ZMIZ1: variants seen among roughly 807,000 people sequenced by gnomAD.
The protein encoded by ZMIZ1 is zinc finger MIZ domain-containing protein 1.
ZMIZ1 carries 17 observed loss-of-function variants against 113.9 expected under a neutral mutation model. The observed-to-expected ratio is 0.15, with a 90% confidence interval of 0.10 to 0.22. The LOEUF (loss-of-function observed/expected upper bound fraction) is 0.22. ZMIZ1 is among the 10% of genes least tolerant of loss of function. The pLI is 1.00. For missense variants in ZMIZ1, 1,059 were observed against 1,477.8 expected (o/e 0.72, Z 4.65); for synonymous variants, 607 against 603.1 (o/e 1.01, Z -0.09).
At chr10:79,216,086 T>G (rs918895277) in intron 6 of ZMIZ1, 83 bp from the exon 7 acceptor site, 18 of 1,002,352 alleles carry the variant, frequency 1.8e-5, no homozygotes, top group Non-Finnish European at 2.5e-5. Context: ...CTTGCCCACC[T>G]CACCCACTTC....
chr10:79,136,478 T>C (rs1217242743), intron 2 of ZMIZ1, among the ~76,000 whole-genome samples: 1 of 152,188 alleles, frequency 6.6e-6, no homozygotes, highest in African/African-American at 2.4e-5. Context: ...AATGAATTAT[T>C]TCATCAGAAG....
At chr10:79,205,234 T>C (rs1027321183) in intron 5 of ZMIZ1, among the ~76,000 whole-genome samples, 17 of 152,198 alleles carry the variant, frequency 1.1e-4, no homozygotes, top group Admixed American at 9.8e-4. Context: ...GGGAGGCCTC[T>C]GCCTATGATT....
At position 79,292,198 on chromosome 10, in the gene ZMIZ1, C is replaced by T; in HGVS notation, c.799C>T (p.Pro267Ser). The change falls in exon 11 of 25, where the codon CCT becomes TCT. Residue 267 changes from proline (P) to serine (S), a missense_variant. Around this residue, in one of 6 missense-constraint regions of ZMIZ1, gnomAD observed 23 missense variants for 73.3 expected, o/e 0.31. Transcript: ENST00000334512. Reference protein sequence around the residue: ...GPNAPAGMGIPPHTRPPADFT... With the variant: ...GPNAPAGMGISPHTRPPADFT... Reference sequence around the variant, plus strand: ...TAACGCCCCCGCAGGCATGGGCATCCCTCCGCACACCAGGCCGCCTGCTGA... The same window carrying T: ...TAACGCCCCCGCAGGCATGGGCATCTCTCCGCACACCAGGCCGCCTGCTGA... 6.2e-7 allele frequency: 1 copy of T among 1,611,990 alleles called. No individual in the cohort carries two copies. The highest frequency in any genetic ancestry group is 8.5e-7 in the Non-Finnish European group (1 of 1,179,596).
chr10:79,159,239 C>T (rs917081041), intron 3 of ZMIZ1, among the ~76,000 whole-genome samples: 5 of 152,216 alleles, frequency 3.3e-5, no homozygotes, highest in Non-Finnish European at 5.9e-5. Flanking sequence ...TGGGAGCAAA[C>T]GGGGCTACAC....
At chr10:79,249,581 G>A (rs1245247014) in intron 7 of ZMIZ1, among the ~76,000 whole-genome samples, 1 of 152,226 alleles carries the variant, frequency 6.6e-6, no homozygotes, top group Non-Finnish European at 1.5e-5. Context: ...GTGCTGTCCA[G>A]TATAGCAGCC....
At chr10:79,304,530 A>G (rs201412976) in intron 19 of ZMIZ1, among the ~76,000 whole-genome samples, 2 of 152,232 alleles carry the variant, frequency 1.3e-5, no homozygotes, top group East Asian at 1.9e-4. Context: ...GTCAGTGTTC[A>G]GGAAGTAGCC....
rs1411116575 is a variant in ZMIZ1 at position 79,304,006 on chromosome 10, G to A, written c.2126-9G>A. 6.2e-7 allele frequency: 1 copy of A among 1,613,804 alleles called. No individual in the cohort carries two copies. On this transcript the variant is annotated splice_polypyrimidine_tract_variant and intron_variant, in intron 18 of 24. Transcript: ENST00000334512. ...CCATCCTCACCTGTCTGTGCCTCCT[G>A]CCCCGCAGTCAAGCGGAATTTCAGC...
intron 7 of ZMIZ1, among the ~76,000 whole-genome samples, chr10:79,218,584 G>GGTGTGTGTGTGTGTGTGTGT (rs55736085): frequency 1.9e-3 from 280 of 147,852 alleles, no homozygotes; most frequent in African/African-American, 5.6e-3. Context: ...TAATTAGAGG[G>GGTGTGTGTGTGTGTGTGTGT]GTGTGTGTGT....
intron 1 of ZMIZ1, among the ~76,000 whole-genome samples, chr10:79,100,998 G>C (rs939000957): frequency 2.0e-5 from 3 of 152,136 alleles, no homozygotes; most frequent in African/African-American, 7.2e-5. Flanking sequence ...CACAAAGGTC[G>C]GGTCCCTAGA....
intron 18 of ZMIZ1, among the ~76,000 whole-genome samples, chr10:79,302,705 TGAG>T (rs1854395103): frequency 3.2e-5 from 3 of 92,456 alleles, no homozygotes; most frequent in East Asian, 3.6e-4. Context: ...TTTTTTTTTT[TGAG>T]AGAGAGAGAG....
chr10:79,291,768 G>A (rs1014040638), intron 10 of ZMIZ1, among the ~76,000 whole-genome samples: 6 of 152,218 alleles, frequency 3.9e-5, no homozygotes, highest in African/African-American at 1.4e-4. Context: ...CCCTGGCTGG[G>A]TTTCTGGCCT....
intron 23 of ZMIZ1, among the ~76,000 whole-genome samples, chr10:79,308,739 G>T (rs934549667): frequency 1.3e-5 from 2 of 151,958 alleles, no homozygotes; most frequent in Admixed American, 6.5e-5. Context: ...CTTTCCTGAT[G>T]CCCCTTCCTG....
intron 7 of ZMIZ1, among the ~76,000 whole-genome samples, chr10:79,264,645 C>T (rs1190683056): frequency 6.6e-6 from 1 of 152,170 alleles, no homozygotes; most frequent in African/African-American, 2.4e-5. Context: ...TCTAGTTTCT[C>T]CAAGATAGGG....
intron 1 of ZMIZ1, among the ~76,000 whole-genome samples, chr10:79,096,427 G>A (rs1181038272): frequency 6.6e-6 from 1 of 152,168 alleles, no homozygotes; most frequent in Non-Finnish European, 1.5e-5. Context: ...CAGGAGAATG[G>A]CGTGAACCCG....
chr10:79,272,928 GC>G (rs1371956355), intron 7 of ZMIZ1, among the ~76,000 whole-genome samples: 4 of 152,198 alleles, frequency 2.6e-5, no homozygotes, highest in Non-Finnish European at 4.4e-5. Flanking sequence ...GAGCTGGAAG[GC>G]CCCAAGGTCC....
chr10:79,161,679 C>A (rs895747320), intron 3 of ZMIZ1, among the ~76,000 whole-genome samples: 1 of 152,220 alleles, frequency 6.6e-6, no homozygotes. Flanking sequence ...TCGTCTGAGT[C>A]TCCGCAAGGG....
chr10:79,234,247 G>A (rs1849506794), intron 7 of ZMIZ1, among the ~76,000 whole-genome samples: 1 of 152,190 alleles, frequency 6.6e-6, no homozygotes, highest in Non-Finnish European at 1.5e-5. Context: ...GTCTGCTGGG[G>A]TGGAAGTGTG....
intron 1 of ZMIZ1, among the ~76,000 whole-genome samples, chr10:79,070,378 C>T (rs561502285): frequency 6.6e-6 from 1 of 152,198 alleles, no homozygotes; most frequent in Non-Finnish European, 1.5e-5. Context: ...GGCCGCCTTC[C>T]CGGCCATTGT....
chr10:79,270,175 C>G (rs534637028), intron 7 of ZMIZ1, among the ~76,000 whole-genome samples: 1 of 152,364 alleles, frequency 6.6e-6, no homozygotes, highest in African/African-American at 2.4e-5. Flanking sequence ...CCTGCCTCAC[C>G]CGACATCTGG....
Sources: allele counts gnomAD v4.1 joint callset (sites outside exome capture counted in the v4.1 genomes callset), GRCh38; gene constraint gnomAD v4.1.1; regional missense constraint gnomAD v4.1.1; transcripts MANE v1.5; gene names NCBI Gene and HGNC (gene_info 2026-07-23, HGNC 2026-07-21).